Variants in LMO7 observed in about 807,000 individuals in gnomAD.
LMO7 encodes LIM domain only protein 7.
A neutral mutation model predicts 206.5 loss-of-function variants in LMO7; 120 were observed. The ratio of observed to expected loss-of-function variants is 0.58; its 90% CI spans 0.50 to 0.68. The LOEUF is 0.68. LMO7 is among the 30% of genes least tolerant of loss of function. LMO7 has a pLI of 0.00. For missense variants in LMO7, 1,959 were observed against 1,957.9 expected (o/e 1.00, Z -0.01); for synonymous variants, 706 against 681.5 (o/e 1.04, Z -0.56).
At chr13:75,750,047 A>G (rs1210769162) in intron 3 of LMO7, among the ~76,000 whole-genome samples, 1 of 151,954 alleles carries the variant, frequency 6.6e-6, no homozygotes, top group Non-Finnish European at 1.5e-5. Context: ...TGATTATCCA[A>G]AATAATAGAT....
chr13:75,768,913 A>T (rs2049254870), intron 4 of LMO7, among the ~76,000 whole-genome samples: 1 of 152,056 alleles, frequency 6.6e-6, no homozygotes, highest in South Asian at 2.1e-4. Context: ...CACTAACAAC[A>T]TGAAAAATCT....
rs1325791676 is a variant in LMO7, at chr13:75,681,847, CAT to C, written c.70-31332_70-31331del. Among the ~76,000 whole-genome samples, 3 of 150,640 alleles carry C rather than the reference CAT, an allele frequency of 2.0e-5. No homozygotes were observed. The East Asian group carries it at 5.9e-4, about 29-fold the overall frequency. ...ACTGTTGTTTCTATCATCAGTAAAT[CAT>C]ATCTTTTTATAGCTGAGTAGTATTC... On this transcript the variant is annotated intron_variant, in intron 1 of 30. Coordinates refer to ENST00000377534, the MANE Select transcript of LMO7 (RefSeq NM_001306080.2).
chr13:75,854,618 A>T (rs1286046251), intron 28 of LMO7, among the ~76,000 whole-genome samples: 1 of 152,030 alleles, frequency 6.6e-6, no homozygotes, highest in Non-Finnish European at 1.5e-5. Context: ...GGAGAGGAGA[A>T]AAGACCTGTA....
chr13:75,802,604 G>C (rs140268571), intron 7 of LMO7, among the ~76,000 whole-genome samples: 38 of 152,264 alleles, frequency 2.5e-4, no homozygotes, highest in African/African-American at 7.5e-4. Context: ...ATCCTTGTTG[G>C]AATGGGCACC....
At chr13:75,815,594 GTA>G (rs1270572588) in intron 11 of LMO7, among the ~76,000 whole-genome samples, 1 of 152,334 alleles carries the variant, frequency 6.6e-6, no homozygotes, top group East Asian at 1.9e-4. Context: ...GGGTCCTGAG[GTA>G]TGAATGGCAT....
intron 4 of LMO7, among the ~76,000 whole-genome samples, chr13:75,767,306 A>G (rs1014910352): frequency 9.9e-5 from 15 of 152,136 alleles, no homozygotes; most frequent in Non-Finnish European, 1.6e-4. Flanking sequence ...AAACAAATCT[A>G]AAGTGTATAC....
intron 15 of LMO7, 50 bp from the exon 16 acceptor site, chr13:75,833,001 A>T: frequency 3.0e-6 from 3 of 992,170 alleles, no homozygotes; most frequent in Non-Finnish European, 4.9e-6. Flanking sequence ...ACTTTCCTCC[A>T]TGTGGGTGCC....
rs1003742799 is a variant in LMO7, at chr13:75,735,074, T to G, written c.210+7976T>G. On this transcript the variant is annotated intron_variant, in intron 3 of 30. Transcript: ENST00000377534. ...GATCACGCCACTGAACTCCAGCCTGTGCGACAGAGCGAGACTCCGTCTCAA... is the reference window on the plus strand; with the variant it reads ...GATCACGCCACTGAACTCCAGCCTGGGCGACAGAGCGAGACTCCGTCTCAA... 4.7e-5 allele frequency among the ~76,000 whole-genome samples: 7 copies of G among 149,772 alleles called. No individual in the cohort carries two copies. The East Asian group carries it at 7.9e-4, about 17-fold the overall frequency.
At chr13:75,804,670 T>G (rs1566497644) in intron 8 of LMO7, 129 bp downstream of exon 8, 2 of 1,201,028 alleles carry the variant, frequency 1.7e-6, no homozygotes, top group East Asian at 4.8e-5. Context: ...AGTGAGAATA[T>G]TTTTCATCCC....
chr13:75,824,980 T>C (rs1272497307), intron 15 of LMO7, among the ~76,000 whole-genome samples: 1 of 152,166 alleles, frequency 6.6e-6, no homozygotes, highest in African/African-American at 2.4e-5. Flanking sequence ...AGGTACTATG[T>C]GCTTGAGAAA....
chr13:75,680,942 T>C (rs7993248), intron 1 of LMO7, among the ~76,000 whole-genome samples: 41,213 of 152,144 alleles, frequency 0.27, 6,625 homozygotes, highest in Non-Finnish European at 0.36. Flanking sequence ...TTTCCTATGT[T>C]CATTGGCTGC....
At chr13:75,747,577 G>C (rs1321445637) in intron 3 of LMO7, among the ~76,000 whole-genome samples, 1 of 152,160 alleles carries the variant, frequency 6.6e-6, no homozygotes, top group Non-Finnish European at 1.5e-5. Flanking sequence ...CATTATCAGT[G>C]AGCCTTCGAG....
chr13:75,713,405 C>T (rs1163494760), intron 2 of LMO7, among the ~76,000 whole-genome samples, 153 bp downstream of exon 2: 4 of 152,128 alleles, frequency 2.6e-5, no homozygotes, highest in Non-Finnish European at 4.4e-5. Context: ...TGATACCTCA[C>T]AATACGAGAC....
At chr13:75,845,252 C>A in intron 25 of LMO7, 75 bp from the exon 26 acceptor site, 1 of 694,616 alleles carries the variant, frequency 1.4e-6, no homozygotes, top group Non-Finnish European at 2.3e-6. Flanking sequence ...GCAATCTCTT[C>A]GGTGTTTTTA....
At chr13:75,660,294 T>C (rs757993431) in intron 1 of LMO7, among the ~76,000 whole-genome samples, 1 of 152,224 alleles carries the variant, frequency 6.6e-6, no homozygotes, top group Non-Finnish European at 1.5e-5. Context: ...TATTGCCCCA[T>C]TTTACTCTGT....
intron 3 of LMO7, among the ~76,000 whole-genome samples, chr13:75,757,282 ACATCT>A (rs1305675304): frequency 5.3e-5 from 8 of 152,174 alleles, no homozygotes; most frequent in Admixed American, 2.0e-4. Context: ...GTCATGGCTG[ACATCT>A]CAATTACAAC....
At chr13:75,735,139 GTGTA>G (rs1318050095) in intron 3 of LMO7, among the ~76,000 whole-genome samples, 88 of 147,750 alleles carry the variant, frequency 6.0e-4, no homozygotes, top group South Asian at 2.1e-3. Flanking sequence ...GTGTGTGTGT[GTGTA>G]TGTATGTACA....
chr13:75,806,333 C>T, intron 9 of LMO7: 1 of 788,086 alleles, frequency 1.3e-6, no homozygotes, highest in Non-Finnish European at 1.5e-6. Context: ...TTCTGCTGCT[C>T]CATTAGCCTG....
chr13:75,804,669 A>G (rs2055207788), intron 8 of LMO7, 128 bp downstream of exon 8: 1 of 1,199,570 alleles, frequency 8.3e-7, no homozygotes, highest in Admixed American at 2.5e-5. Flanking sequence ...TAGTGAGAAT[A>G]TTTTTCATCC....
Sources: gnomAD v4.1 joint callset for allele counts (sites outside exome capture counted in the v4.1 genomes callset) on GRCh38, gnomAD v4.1.1 for gene constraint, MANE v1.5 for transcripts, NCBI Gene and HGNC (gene_info 2026-07-23, HGNC 2026-07-21) for gene names.